Variants in COX10 observed in about 807,000 individuals in gnomAD.
The protein encoded by COX10 is cytochrome c oxidase assembly factor heme A:farnesyltransferase COX10, also known as protoheme IX farnesyltransferase, mitochondrial.
COX10 carries 27 observed loss-of-function variants against 37.3 expected under a neutral mutation model. The observed-to-expected ratio is 0.72, with a 90% CI of 0.53 to 1.00. The LOEUF is 1.00. Among genes scored for constraint, COX10 ranks in the 50% least tolerant of loss-of-function variants. The pLI, the probability that COX10 is intolerant of heterozygous loss-of-function variation, is 0.00. For synonymous variants in COX10, 222 were observed against 229.1 expected (o/e 0.97, Z 0.28); for missense variants, 475 against 563.2 (o/e 0.84, Z 1.59).
chr17:14,196,198 G>C (rs1235993746), intron 6 of COX10, among the ~76,000 whole-genome samples: 1 of 152,176 alleles, frequency 6.6e-6, no homozygotes, highest in Non-Finnish European at 1.5e-5. Context: ...GGGACCTACT[G>C]TTTGCCAGGC....
chr17:14,098,683 C>G (rs1374521968), intron 3 of COX10, among the ~76,000 whole-genome samples: 1 of 152,096 alleles, frequency 6.6e-6, no homozygotes, highest in Admixed American at 6.6e-5. Context: ...ACTGTTCGTT[C>G]CCCATTGGCA....
rs369964479 is a variant in COX10, at chr17:14,099,224, C to T, written c.500-2894C>T. ...AGATGCACACCATATTTGGGAACAA[C>T]TGAGTTAAAGGAAGGACCCCTTGCC... On this transcript the variant is annotated intron_variant, in intron 3 of 6. Coordinates refer to ENST00000261643, the MANE Select transcript of COX10 (RefSeq NM_001303.4). Among the ~76,000 whole-genome samples the T allele has an allele frequency of 1.4e-4, 21 of 152,216 alleles. No individual in the cohort carries two copies. The East Asian group carries it at 4.1e-3, about 29-fold the overall frequency.
At chr17:14,202,062 G>A (rs144580537) in intron 6 of COX10, among the ~76,000 whole-genome samples, 1 of 148,070 alleles carries the variant, frequency 6.8e-6, no homozygotes, top group Non-Finnish European at 1.5e-5. Flanking sequence ...CCTTCTAGTT[G>A]ATAGTTTTGT....
chr17:14,158,345 C>T (rs148742503), intron 4 of COX10, among the ~76,000 whole-genome samples: 20 of 151,512 alleles, frequency 1.3e-4, no homozygotes, highest in African/African-American at 4.8e-4. Context: ...ATGTCCCAAA[C>T]TTATGGGGAA....
At chr17:14,141,161 A>T (rs1310873905) in intron 4 of COX10, among the ~76,000 whole-genome samples, 2 of 151,914 alleles carry the variant, frequency 1.3e-5, no homozygotes, top group East Asian at 3.9e-4. Context: ...GTTCGAAAAT[A>T]ATTATTATTA....
At chr17:14,136,738 TGA>T (rs1904384838) in intron 4 of COX10, among the ~76,000 whole-genome samples, 1 of 152,028 alleles carries the variant, frequency 6.6e-6, no homozygotes, top group Non-Finnish European at 1.5e-5. Context: ...ATAGTGAAGA[TGA>T]CAAAGATGGA....
intron 1 of COX10, 80 bp downstream of exon 1, chr17:14,069,728 T>A: frequency 1.3e-6 from 2 of 1,582,658 alleles, no homozygotes; most frequent in South Asian, 1.1e-5. Context: ...TCCGGCTGGC[T>A]GCAACCTTGG....
chr17:14,107,701 C>T (rs1165524453), intron 4 of COX10, among the ~76,000 whole-genome samples: 2 of 151,776 alleles, frequency 1.3e-5, no homozygotes, highest in African/African-American at 2.4e-5. Context: ...ACACCACACA[C>T]GACCTTAGAA....
At chr17:14,192,250 A>G in intron 6 of COX10, 29 bp downstream of exon 6, 2 of 1,614,106 alleles carry the variant, frequency 1.2e-6, no homozygotes, top group East Asian at 4.5e-5. Flanking sequence ...GGAGTCTCAT[A>G]TGAGCACACT....
At chr17:14,105,854 C>A (rs1337777030) in intron 4 of COX10, among the ~76,000 whole-genome samples, 1 of 152,026 alleles carries the variant, frequency 6.6e-6, no homozygotes, top group East Asian at 1.9e-4. Context: ...GACTTCTTCA[C>A]ATACACACAT....
intron 1 of COX10, among the ~76,000 whole-genome samples, chr17:14,073,425 A>T (rs536164774): frequency 1.3e-5 from 2 of 152,258 alleles, no homozygotes; most frequent in African/African-American, 2.4e-5. Flanking sequence ...CAGAGTAGAG[A>T]TTGGTTGAGA....
intron 6 of COX10, among the ~76,000 whole-genome samples, chr17:14,205,336 C>T (rs11656522): frequency 0.27 from 40,393 of 151,786 alleles, 6,224 homozygotes; most frequent in Non-Finnish European, 0.35. Context: ...CTGAGACATC[C>T]CTTCCTCAGA....
chr17:14,071,197 C>T (rs1416874487), intron 1 of COX10, among the ~76,000 whole-genome samples: 6 of 152,134 alleles, frequency 3.9e-5, no homozygotes, highest in Admixed American at 2.6e-4. Context: ...AGCATGCATC[C>T]TTCAGATTAG....
chr17:14,186,704 G>C (rs1906039249), intron 5 of COX10, among the ~76,000 whole-genome samples: 1 of 151,826 alleles, frequency 6.6e-6, no homozygotes, highest in African/African-American at 2.4e-5. Context: ...TAAACTGAAG[G>C]TGCTTTTAAG....
At chr17:14,204,404 G>T (rs777870942) in intron 6 of COX10, among the ~76,000 whole-genome samples, 1 of 151,906 alleles carries the variant, frequency 6.6e-6, no homozygotes, top group Non-Finnish European at 1.5e-5. Context: ...AGTGGCATCT[G>T]TATGGATCCA....
intron 4 of COX10, among the ~76,000 whole-genome samples, chr17:14,114,431 A>G (rs1916067321): frequency 6.6e-6 from 1 of 152,104 alleles, no homozygotes; most frequent in Non-Finnish European, 1.5e-5. Flanking sequence ...TGAAATCTCA[A>G]TAGTAATTGA....
chr17:14,149,477 G>A (rs756949605), intron 4 of COX10, among the ~76,000 whole-genome samples: 89 of 152,066 alleles, frequency 5.9e-4, no homozygotes, highest in African/African-American at 2.0e-3. Flanking sequence ...GTGTTTTAGC[G>A]GCGATACTGT....
chr17:14,196,808 T>G (rs1230679997), intron 6 of COX10, among the ~76,000 whole-genome samples: 1 of 152,148 alleles, frequency 6.6e-6, no homozygotes, highest in Non-Finnish European at 1.5e-5. Flanking sequence ...CTCTTTGCCC[T>G]CCCTAGTTAA....
intron 3 of COX10, among the ~76,000 whole-genome samples, chr17:14,091,751 T>C (rs959580599): frequency 3.3e-5 from 5 of 152,318 alleles, no homozygotes; most frequent in Non-Finnish European, 7.4e-5. Flanking sequence ...CTAAATACCA[T>C]CAAAGTCGGA....
Sources: gnomAD v4.1 joint callset for allele counts (sites outside exome capture counted in the v4.1 genomes callset) on GRCh38, gnomAD v4.1.1 for gene constraint, MANE v1.5 for transcripts, NCBI Gene and HGNC (gene_info 2026-07-23, HGNC 2026-07-21) for gene names.